PDE4D: variants seen among roughly 807,000 people sequenced by gnomAD.
PDE4D encodes 3',5'-cyclic-AMP phosphodiesterase 4D.
A neutral mutation model predicts 87.4 loss-of-function variants in PDE4D; 24 were observed. The observed-to-expected ratio is 0.27, with a 90% CI of 0.20 to 0.39. The LOEUF (loss-of-function observed/expected upper bound fraction) is 0.39, where lower values mean the gene tolerates loss of function less well. Among genes scored for constraint, PDE4D ranks in the 10% least tolerant of loss-of-function variants. The pLI is 1.00. For synonymous variants in PDE4D, 384 were observed against 383.2 expected (o/e 1.00, Z -0.02); for missense variants, 714 against 1,041.0 (o/e 0.69, Z 4.32).
At chr5:60,352,598 T>A (rs1759296813) in intron 1 of PDE4D, among the ~76,000 whole-genome samples, 1 of 152,218 alleles carries the variant, frequency 6.6e-6, no homozygotes, top group Admixed American at 6.5e-5. Context: ...ATATTGGTAT[T>A]TTCAATCTCT....
At chr5:59,990,731 T>C (rs958389838) in intron 2 of PDE4D, among the ~76,000 whole-genome samples, 3 of 152,198 alleles carry the variant, frequency 2.0e-5, no homozygotes, top group Admixed American at 1.3e-4. Context: ...TAAAATCCTA[T>C]GAGTTACTTC....
intron 1 of PDE4D, among the ~76,000 whole-genome samples, chr5:59,872,856 A>G (rs1428140453): frequency 6.6e-6 from 1 of 152,178 alleles, no homozygotes; most frequent in East Asian, 1.9e-4. Context: ...CTGGTAAGAA[A>G]TGCCATAGAA....
intron 1 of PDE4D, among the ~76,000 whole-genome samples, chr5:59,631,749 C>T (rs1025773801): frequency 6.6e-6 from 1 of 152,226 alleles, no homozygotes; most frequent in Non-Finnish European, 1.5e-5. Context: ...TCTTCACTAG[C>T]CACAGATCAG....
chr5:59,541,227 C>T (rs916775203), intron 1 of PDE4D, among the ~76,000 whole-genome samples: 4 of 152,120 alleles, frequency 2.6e-5, no homozygotes, highest in African/African-American at 9.7e-5. Flanking sequence ...CAGTATGTAG[C>T]AATTATTGCC....
chr5:59,888,570 T>G (rs970897994), intron 1 of PDE4D, among the ~76,000 whole-genome samples: 4 of 152,198 alleles, frequency 2.6e-5, no homozygotes, highest in African/African-American at 9.6e-5. Context: ...TTTTTGCTAT[T>G]TAAATATCCT....
intron 1 of PDE4D, among the ~76,000 whole-genome samples, chr5:59,835,446 T>G (rs1193773143): frequency 2.0e-5 from 3 of 152,016 alleles, no homozygotes; most frequent in Admixed American, 2.0e-4. Flanking sequence ...GTTACCATCA[T>G]GAAAGGAAAT....
chr5:59,745,087 A>G (rs1285085795), intron 1 of PDE4D, among the ~76,000 whole-genome samples: 4 of 152,200 alleles, frequency 2.6e-5, no homozygotes, highest in African/African-American at 7.2e-5. Flanking sequence ...ATAATCCTGC[A>G]TCTTATCAGC....
intron 1 of PDE4D, among the ~76,000 whole-genome samples, chr5:60,431,814 C>T (rs947408218): frequency 1.8e-4 from 28 of 152,260 alleles, no homozygotes; most frequent in Non-Finnish European, 3.7e-4. Flanking sequence ...ACTCCATCTG[C>T]AATCCCAGCA....
intron 1 of PDE4D, among the ~76,000 whole-genome samples, chr5:59,403,142 TAGAC>T (rs58074813): frequency 1.4e-3 from 203 of 149,982 alleles, no homozygotes; most frequent in South Asian, 0.011. Context: ...GGTAGGTAGG[TAGAC>T]AGACAGACAG....
chr5:60,413,432 T>G (rs1300277365), intron 1 of PDE4D, among the ~76,000 whole-genome samples: 1 of 152,148 alleles, frequency 6.6e-6, no homozygotes, highest in Non-Finnish European at 1.5e-5. Context: ...TTCCAGAGCC[T>G]TTCATTTTCT....
intron 2 of PDE4D, among the ~76,000 whole-genome samples, chr5:60,009,396 T>C (rs996662076): frequency 7.2e-5 from 11 of 152,052 alleles, no homozygotes; most frequent in Admixed American, 7.2e-4. Context: ...GATTCATTCA[T>C]TCAATAATTA....
intron 1 of PDE4D, among the ~76,000 whole-genome samples, chr5:59,658,283 A>C (rs1007047911): frequency 4.3e-4 from 66 of 152,318 alleles, no homozygotes; most frequent in African/African-American, 1.6e-3. Flanking sequence ...TTATTTACTA[A>C]AGTCTCACAC....
chr5:60,460,791 A>C (rs1325038037), intron 1 of PDE4D: 1 of 575,616 alleles, frequency 1.7e-6, no homozygotes. Context: ...CTCATCCGGA[A>C]GCAGGCAGAA....
At chr5:60,243,058 A>T (rs1747312264) in intron 1 of PDE4D, among the ~76,000 whole-genome samples, 1 of 151,882 alleles carries the variant, frequency 6.6e-6, no homozygotes, top group South Asian at 2.1e-4. Context: ...TCTTGAAAAG[A>T]CAAAATAGAT....
At chr5:59,731,489 T>C (rs1757352368) in intron 1 of PDE4D, among the ~76,000 whole-genome samples, 2 of 152,128 alleles carry the variant, frequency 1.3e-5, no homozygotes, top group African/African-American at 2.4e-5. Flanking sequence ...GATATCCTTT[T>C]CCACAAGACC....
chr5:60,143,722 A>C (rs1394209623), intron 2 of PDE4D, among the ~76,000 whole-genome samples: 2 of 151,854 alleles, frequency 1.3e-5, no homozygotes, highest in Non-Finnish European at 2.9e-5. Context: ...TGGTTGAGAA[A>C]CACCCAGCAA....
chr5:59,813,473 CACACACACAT>C lies in PDE4D; in HGVS notation c.455+79685_455+79694del, dbSNP rs1193961115. 1.4e-3 allele frequency among the ~76,000 whole-genome samples: 198 copies of C among 143,364 alleles called. 1 individual carries two copies. The highest frequency in any genetic ancestry group is 4.8e-3 in the African/African-American group (181 of 37,596). The allele number at this position is 143,364 out of a possible 152,430, so 94.1% of individuals were successfully genotyped here. A position where few individuals can be genotyped will look rare whatever the true frequency, so the allele number is the denominator to read the frequency against. On this transcript the variant is annotated intron_variant, in intron 1 of 14. Coordinates refer to ENST00000340635, the MANE Select transcript of PDE4D (RefSeq NM_001104631.2). ...ACACACACACACACACACACACACA[CACACACACAT>C]ATGCCTGTCATTGGTTACCTTTCCC... is the stretch of plus-strand genomic sequence containing the variant.
At chr5:59,566,733 G>T (rs1284403747) in intron 1 of PDE4D, among the ~76,000 whole-genome samples, 1 of 152,138 alleles carries the variant, frequency 6.6e-6, no homozygotes, top group Non-Finnish European at 1.5e-5. Context: ...GGGGGATGAG[G>T]TGTGGCCATG....
intron 1 of PDE4D, among the ~76,000 whole-genome samples, chr5:59,717,020 T>G (rs1452814344): frequency 3.9e-5 from 6 of 152,226 alleles, no homozygotes; most frequent in African/African-American, 1.4e-4. Flanking sequence ...AGAAAGAGGA[T>G]GTGAGGAGAG....
Sources: allele counts gnomAD v4.1 joint callset (sites outside exome capture counted in the v4.1 genomes callset), GRCh38; gene constraint gnomAD v4.1.1; transcripts MANE v1.5; gene names NCBI Gene and HGNC (gene_info 2026-07-23, HGNC 2026-07-21).